The following ITGBL1 variants were observed in gnomAD, a reference collection of about 807,000 sequenced individuals.
ITGBL1 encodes the protein integrin subunit beta like 1, also known as integrin beta-like protein 1.
Under a neutral mutation model 68.5 loss-of-function variants are expected in ITGBL1, and 51 were observed. The observed-to-expected ratio is 0.74, with a 90% confidence interval of 0.59 to 0.94. The LOEUF (loss-of-function observed/expected upper bound fraction) is 0.94, where lower values mean the gene tolerates loss of function less well. Ranked by LOEUF, ITGBL1 falls within the 40% of genes least tolerant of loss-of-function variation. The probability of loss-of-function intolerance (pLI) is 0.00; values close to 1 mark genes in which losing one functional copy is unlikely to be tolerated. For synonymous variants in ITGBL1, 209 were observed against 227.3 expected, an observed-to-expected ratio of 0.92 and a Z score of 0.72; for missense variants, 649 against 647.4, an observed-to-expected ratio of 1.00 and a Z score of -0.03.
rs541868440 is a variant in ITGBL1 at position 101,581,807 on chromosome 13, T to A, written c.728-1409T>A. 2.0e-5 allele frequency among the ~76,000 whole-genome samples: 3 copies of A among 152,200 alleles called. No individual in the cohort carries two copies. The South Asian group carries it at 6.2e-4, about 32-fold the overall frequency. On this transcript the variant is annotated intron_variant, in intron 5 of 10. Transcript: ENST00000376180. ...TACATTAATTAAAGTGAGCTATAAG[T>A]CTGAATAATAACACAGATATAAAAA... is the stretch of plus-strand genomic sequence containing the variant.
At chr13:101,602,134 T>G (rs2139336936) in intron 7 of ITGBL1, among the ~76,000 whole-genome samples, 1 of 152,162 alleles carries the variant, frequency 6.6e-6, no homozygotes, top group Non-Finnish European at 1.5e-5. Flanking sequence ...AAAACACAGT[T>G]TAGACGTTTG....
chr13:101,503,108 G>C (rs947275474), intron 2 of ITGBL1, among the ~76,000 whole-genome samples: 4 of 152,128 alleles, frequency 2.6e-5, no homozygotes, highest in African/African-American at 9.7e-5. Context: ...TGTCATATTT[G>C]GTAAAAGAAA....
At chr13:101,468,773 A>C (rs1019617319) in intron 2 of ITGBL1, among the ~76,000 whole-genome samples, 2 of 152,220 alleles carry the variant, frequency 1.3e-5, no homozygotes, top group Non-Finnish European at 2.9e-5. Context: ...TCTCATGTTA[A>C]AGAAAGTGAG....
intron 2 of ITGBL1, among the ~76,000 whole-genome samples, chr13:101,470,639 A>G (rs1409149340): frequency 1.3e-5 from 2 of 152,162 alleles, no homozygotes; most frequent in African/African-American, 4.8e-5. Context: ...CAACCTAGCA[A>G]GAGAGCCATG....
intron 5 of ITGBL1, among the ~76,000 whole-genome samples, chr13:101,582,290 C>G (rs1157505569): frequency 6.6e-6 from 1 of 151,640 alleles, no homozygotes; most frequent in African/African-American, 2.4e-5. Flanking sequence ...TTTCAATTTC[C>G]TTTTTTAGTA....
intron 7 of ITGBL1, among the ~76,000 whole-genome samples, chr13:101,649,530 G>A (rs1432990803): frequency 6.6e-6 from 1 of 152,130 alleles, no homozygotes; most frequent in African/African-American, 2.4e-5. Flanking sequence ...TATTGTCAAG[G>A]TAAGGGACCT....
In ITGBL1 at chr13:101,604,845, A is replaced by T. The variant is rs865797147; in HGVS notation, c.1015+6546A>T. 5.1e-4 allele frequency among the ~76,000 whole-genome samples: 15 copies of T among 29,366 alleles called. No homozygotes were observed. The South Asian group carries it at 6.8e-3, about 13-fold the overall frequency. 19.3% of individuals were successfully genotyped at this position (29,366 alleles called of 152,430 possible). ...AGTTTGTCAGGGACCAGGTGAAGGCAATATATATATATATATATATATATA... is the reference window on the plus strand; with the variant it reads ...AGTTTGTCAGGGACCAGGTGAAGGCTATATATATATATATATATATATATA... On this transcript the variant is annotated intron_variant, in intron 7 of 10. Transcript: ENST00000376180.
At chr13:101,683,712 C>A (rs1434096784) in intron 7 of ITGBL1, among the ~76,000 whole-genome samples, 1 of 151,920 alleles carries the variant, frequency 6.6e-6, no homozygotes, top group Non-Finnish European at 1.5e-5. Context: ...TCTGTATTTC[C>A]AAACCATTGC....
intron 1 of ITGBL1, 135 bp from the exon 2 acceptor site, chr13:101,453,748 T>C: frequency 2.3e-6 from 1 of 438,622 alleles, no homozygotes. Flanking sequence ...CCCAGAGAGA[T>C]GTGGGCCTCA....
intron 10 of ITGBL1, chr13:101,715,163 C>G (rs1369054129): frequency 5.8e-6 from 1 of 171,936 alleles, no homozygotes; most frequent in African/African-American, 2.4e-5. Flanking sequence ...CCTTTGCTTT[C>G]TGCCCATCCT....
At chr13:101,553,163 G>A (rs927321806) in intron 2 of ITGBL1, among the ~76,000 whole-genome samples, 12 of 152,172 alleles carry the variant, frequency 7.9e-5, no homozygotes, top group African/African-American at 2.9e-4. Context: ...TGCCTCAGCT[G>A]TGTGTTTCAT....
chr13:101,606,878 C>T (rs189845845), intron 7 of ITGBL1, among the ~76,000 whole-genome samples: 31 of 152,054 alleles, frequency 2.0e-4, no homozygotes, highest in East Asian at 5.8e-4. Context: ...GACTGATAAT[C>T]GGTTCCCCAT....
At chr13:101,603,331 A>G (rs773837660) in intron 7 of ITGBL1, among the ~76,000 whole-genome samples, 2 of 151,994 alleles carry the variant, frequency 1.3e-5, no homozygotes, top group African/African-American at 4.8e-5. Flanking sequence ...ATTTTCTCAT[A>G]TCCATTATTT....
intron 2 of ITGBL1, among the ~76,000 whole-genome samples, chr13:101,498,753 G>T (rs1263470198): frequency 6.6e-6 from 1 of 152,090 alleles, no homozygotes; most frequent in Non-Finnish European, 1.5e-5. Context: ...CCGCAGATGG[G>T]GATTTTACCT....
chr13:101,640,107 T>C (rs2032312712), intron 7 of ITGBL1, among the ~76,000 whole-genome samples: 1 of 152,196 alleles, frequency 6.6e-6, no homozygotes, highest in African/African-American at 2.4e-5. Context: ...TACACACTAA[T>C]TTTTGAATCA....
chr13:101,636,771 C>T (rs986280897), intron 7 of ITGBL1, among the ~76,000 whole-genome samples: 10 of 152,178 alleles, frequency 6.6e-5, no homozygotes, highest in South Asian at 2.1e-4. Context: ...TATTGAAATA[C>T]GTTCTATCAT....
chr13:101,593,301 A>G (rs1594911998), intron 6 of ITGBL1, among the ~76,000 whole-genome samples: 2 of 152,224 alleles, frequency 1.3e-5, no homozygotes, highest in Non-Finnish European at 2.9e-5. Context: ...AGAAGAGAAC[A>G]CTGACACACT....
rs753132942 is a variant in ITGBL1 at position 101,567,845 on chromosome 13, G to A, written c.463G>A (p.Gly155Ser). 3.1e-6 allele frequency: 5 copies of A among 1,611,600 alleles called. No homozygotes were observed. The highest frequency in any genetic ancestry group is 4.2e-6 in the Non-Finnish European group (5 of 1,178,570). ...NSQDIICSNAGTCHCGRCKCD... is the reference protein window; with the variant it reads ...NSQDIICSNASTCHCGRCKCD... ...ACAAGACATCATCTGCTCTAATGCA[G>A]GTAAGAAGTATACCCTGTGAAAATT... Residue 155 changes from glycine to serine, a missense_variant and splice_region_variant, in exon 3 of 11, where the codon GGT (glycine) becomes AGT (serine). Gly to Ser is a moderately conservative substitution (Grantham distance 56). Coordinates refer to ENST00000376180, the MANE Select transcript of ITGBL1 (RefSeq NM_004791.3).
intron 7 of ITGBL1, among the ~76,000 whole-genome samples, chr13:101,689,211 T>TAAAAAAAAAAAAAAAAAAAAAAAGAAAAA (rs34627046): frequency 1.3e-5 from 1 of 74,868 alleles, no homozygotes; most frequent in Non-Finnish European, 2.6e-5. Flanking sequence ...AGACTCTGCC[T>TAAAAAAAAAAAAAAAAAAAAAAAGAAAAA]AAAAAAAAAA....
Sources: gnomAD v4.1 joint callset for allele counts (sites outside exome capture counted in the v4.1 genomes callset) on GRCh38, gnomAD v4.1.1 for gene constraint, MANE v1.5 for transcripts, NCBI Gene and HGNC (gene_info 2026-07-23, HGNC 2026-07-21) for gene names.